PCGF5: variants seen among roughly 807,000 people sequenced by gnomAD.
PCGF5 encodes the protein polycomb group ring finger 5.
Under a neutral mutation model 44.3 loss-of-function variants are expected in PCGF5, and 9 were observed. The ratio of observed to expected loss-of-function variants is 0.20; its 90% CI spans 0.12 to 0.35. The LOEUF is 0.35. PCGF5 is among the 10% of genes least tolerant of loss of function. The pLI is 1.00. For missense variants in PCGF5, 146 were observed against 305.3 expected (o/e 0.48, Z 3.89); for synonymous variants, 95 against 102.5 (o/e 0.93, Z 0.44).
At chr10:91,271,241 G>A (rs1846174750) in intron 8 of PCGF5, among the ~76,000 whole-genome samples, 1 of 152,018 alleles carries the variant, frequency 6.6e-6, no homozygotes, top group Non-Finnish European at 1.5e-5. Context: ...TCCTTGAACA[G>A]TATTACTTTC....
At chr10:91,213,408 A>G (rs1844487094) in intron 1 of PCGF5, among the ~76,000 whole-genome samples, 1 of 152,192 alleles carries the variant, frequency 6.6e-6, no homozygotes, top group Non-Finnish European at 1.5e-5. Flanking sequence ...GTTCTGTGTC[A>G]GATATTATAA....
intron 1 of PCGF5, among the ~76,000 whole-genome samples, chr10:91,174,562 A>G (rs554846959): frequency 6.6e-5 from 10 of 152,262 alleles, no homozygotes; most frequent in Non-Finnish European, 1.5e-4. Flanking sequence ...AATAAATCCT[A>G]TCATGCTTTA....
At chr10:91,261,446 C>A in intron 7 of PCGF5, 22 bp downstream of exon 7, 2 of 1,405,446 alleles carry the variant, frequency 1.4e-6, no homozygotes, top group South Asian at 1.9e-5. Context: ...AATATCTAAG[C>A]TTGATCATTT....
intron 1 of PCGF5, among the ~76,000 whole-genome samples, chr10:91,199,031 A>G (rs1287620313): frequency 6.6e-6 from 1 of 152,150 alleles, no homozygotes; most frequent in African/African-American, 2.4e-5. Context: ...TTTGTTCAGA[A>G]ACTGAAACTG....
upstream of PCGF5, among the ~76,000 whole-genome samples, chr10:91,158,897 T>G (rs929926517): frequency 1.3e-5 from 2 of 152,246 alleles, no homozygotes; most frequent in South Asian, 4.1e-4. Context: ...TCAGAACTTG[T>G]AACCTAAACA....
At chr10:91,250,804 G>GT (rs1004631859) in intron 5 of PCGF5, among the ~76,000 whole-genome samples, 77 of 150,684 alleles carry the variant, frequency 5.1e-4, no homozygotes, top group Non-Finnish European at 6.7e-4. Flanking sequence ...CATTATACTC[G>GT]TTTTTTTTCA....
chr10:91,181,445 G>C (rs1167926801), intron 1 of PCGF5, among the ~76,000 whole-genome samples: 2 of 152,160 alleles, frequency 1.3e-5, no homozygotes, highest in Non-Finnish European at 2.9e-5. Flanking sequence ...GTTTTCAAGG[G>C]GAATGCTTCC....
rs1307192077 is a variant in PCGF5 at position 91,278,633 on chromosome 10, T to TTTAATTACACTAG, written c.*318_*319insTAATTACACTAGT. ...ATTTTGCTTGCCTGTTCCAAGATTG[T>TTTAATTACACTAG]TCTAATGTTTAATTACACTAGTAAA... On this transcript the variant is annotated 3_prime_UTR_variant, in exon 10 of 10. Coordinates refer to ENST00000336126, the MANE Select transcript of PCGF5 (RefSeq NM_032373.5). 4.3e-5 allele frequency: 13 copies of TTTAATTACACTAG among 298,860 alleles called. No homozygotes were observed. In the East Asian group the frequency reaches 8.0e-4, roughly 18 times the overall value. 18.5% of individuals were successfully genotyped at this position (298,860 alleles called of 1,614,324 possible).
intron 1 of PCGF5, among the ~76,000 whole-genome samples, chr10:91,192,916 A>G (rs886770233): frequency 5.3e-5 from 8 of 151,884 alleles, no homozygotes; most frequent in African/African-American, 1.7e-4. Flanking sequence ...ACATGGCAAA[A>G]GGGACTTTCC....
upstream of PCGF5, among the ~76,000 whole-genome samples, chr10:91,158,845 T>C (rs947757615): frequency 2.6e-5 from 4 of 152,198 alleles, no homozygotes; most frequent in Non-Finnish European, 4.4e-5. Context: ...TAACTCAATA[T>C]TTTTGGCCCT....
intron 2 of PCGF5, among the ~76,000 whole-genome samples, chr10:91,233,674 G>A (rs1845072825): frequency 6.6e-6 from 1 of 152,146 alleles, no homozygotes; most frequent in South Asian, 2.1e-4. Flanking sequence ...GTAAGAATAG[G>A]TATCAAAAGC....
chr10:91,169,921 C>G (rs1283603060), intron 1 of PCGF5, among the ~76,000 whole-genome samples: 3 of 152,108 alleles, frequency 2.0e-5, no homozygotes, highest in Admixed American at 6.6e-5. Flanking sequence ...AAAAATTAAA[C>G]AAATGGATCA....
At chr10:91,216,623 T>C (rs1040962582), upstream of PCGF5, among the ~76,000 whole-genome samples, 1 of 152,160 alleles carries the variant, frequency 6.6e-6, no homozygotes, top group African/African-American at 2.4e-5. Context: ...ACTTAAGAGT[T>C]CATTGAGTGA....
At chr10:91,277,755 T>A (rs1846352210) in intron 9 of PCGF5, among the ~76,000 whole-genome samples, 1 of 152,204 alleles carries the variant, frequency 6.6e-6, no homozygotes, top group Non-Finnish European at 1.5e-5. Flanking sequence ...ATTTTAAATT[T>A]AAAAAATGTT....
chr10:91,162,918 C>A (rs1232798990), upstream of PCGF5: 1 of 146,032 alleles, frequency 6.8e-6, no homozygotes, highest in East Asian at 2.0e-4. Context: ...CTCCTCGCGC[C>A]CGCCCGCCGG....
At chr10:91,234,955 A>G (rs1042759514) in intron 2 of PCGF5, among the ~76,000 whole-genome samples, 10 of 152,174 alleles carry the variant, frequency 6.6e-5, no homozygotes, top group Non-Finnish European at 1.2e-4. Flanking sequence ...ATTGATCACA[A>G]ATTCTTTAAT....
chr10:91,159,746 A>C (rs1843356782), upstream of PCGF5, among the ~76,000 whole-genome samples: 2 of 152,178 alleles, frequency 1.3e-5, no homozygotes, highest in Non-Finnish European at 2.9e-5. Context: ...ATTTTTCTCT[A>C]TTTTATAGAT....
At position 91,279,974 on chromosome 10, in the gene PCGF5, T is replaced by G. The variant is rs1018005343; in HGVS notation, c.*1658T>G. The stretch of plus-strand genomic sequence containing the variant: ...ATTATCTGTTCCTTCTATCTTTTTT[T>G]GAGTCAAAAAGTCTATTAAATTTTT... On this transcript the variant is annotated 3_prime_UTR_variant, in exon 10 of 10. Coordinates refer to ENST00000336126, the MANE Select transcript of PCGF5 (RefSeq NM_032373.5). 6.6e-6 allele frequency: 1 copy of G among 152,078 alleles called. No homozygotes were observed. The highest frequency in any genetic ancestry group is 1.5e-5 in the Non-Finnish European group (1 of 67,910). 9.4% of individuals were successfully genotyped at this position (152,078 alleles called of 1,614,324 possible).
chr10:91,186,539 T>C (rs568545453), intron 1 of PCGF5, among the ~76,000 whole-genome samples: 9 of 119,390 alleles, frequency 7.5e-5, no homozygotes, highest in African/African-American at 3.5e-4. Flanking sequence ...TATGTGTGTG[T>C]GTGTATATAT....
Sources: allele counts gnomAD v4.1 joint callset (sites outside exome capture counted in the v4.1 genomes callset), GRCh38; gene constraint gnomAD v4.1.1; transcripts MANE v1.5; gene names NCBI Gene and HGNC (gene_info 2026-07-23, HGNC 2026-07-21).